Variants in CHRM3 observed in about 807,000 individuals in gnomAD.
CHRM3 encodes cholinergic receptor muscarinic 3, also known as muscarinic acetylcholine receptor M3.
A neutral mutation model predicts 41.8 loss-of-function variants in CHRM3; 11 were observed. That is an observed-to-expected ratio of 0.26 (90% CI 0.17 to 0.44). The LOEUF (loss-of-function observed/expected upper bound fraction) is 0.44. Ranked by LOEUF, CHRM3 falls within the 20% of genes least tolerant of loss-of-function variation. CHRM3 has a pLI of 1.00. For synonymous variants in CHRM3, 297 were observed against 301.4 expected, an observed-to-expected ratio of 0.99 and a Z score of 0.15; for missense variants, 571 against 745.4, an observed-to-expected ratio of 0.77 and a Z score of 2.72.
chr1:239,480,543 ATTTTTTT>A lies in CHRM3; in HGVS notation c.-520-12144_-520-12138del, dbSNP rs745979239. On this transcript the variant is annotated intron_variant, in intron 1 of 6. Transcript: ENST00000676153. The stretch of plus-strand genomic sequence containing the variant: ...ACTCAGGTAATCCTACGATAGCCCA[ATTTTTTT>A]TTTTTTTTTTTTTTTTTTTTTGTTG... 6.2e-3 allele frequency among the ~76,000 whole-genome samples: 686 copies of A among 110,684 alleles called. 1 individual carries two copies. The highest frequency in any genetic ancestry group is 0.026 in the African/African-American group (633 of 24,726). 72.6% of individuals were successfully genotyped at this position (110,684 alleles called of 152,430 possible).
In CHRM3 at chr1:239,820,031, G is replaced by A. The variant is rs191613158; in HGVS notation, c.-146-7221G>A. ...GTCACACCCTGTGTTTACCATGTCGGTGAGAGCTCCAGGGTAATTCACACA... is the reference window on the plus strand; with the variant it reads ...GTCACACCCTGTGTTTACCATGTCGATGAGAGCTCCAGGGTAATTCACACA... On this transcript the variant is annotated intron_variant, in intron 5 of 6. Coordinates refer to ENST00000676153, the MANE Select transcript of CHRM3 (RefSeq NM_001375978.1). Among the ~76,000 whole-genome samples the A allele has an allele frequency of 5.3e-5, 8 of 152,250 alleles. No individual in the cohort carries two copies. The East Asian group carries it at 1.4e-3, about 26-fold the overall frequency.
At chr1:239,874,295 A>ATATATATATATATCTATATACACAG (rs1553291887) in intron 6 of CHRM3, among the ~76,000 whole-genome samples, 57 of 73,142 alleles carry the variant, frequency 7.8e-4, no homozygotes, top group Middle Eastern at 6.6e-3. Flanking sequence ...GTATATATAT[A>ATATATATATATATCTATATACACAG]TATATATATA....
chr1:239,558,313 CT>C (rs1436020084), intron 3 of CHRM3, among the ~76,000 whole-genome samples: 1 of 152,118 alleles, frequency 6.6e-6, no homozygotes, highest in Non-Finnish European at 1.5e-5. Flanking sequence ...CCTTTGTCCA[CT>C]TTTTAATGGG....
At chr1:239,875,346 A>G (rs976251775) in intron 6 of CHRM3, among the ~76,000 whole-genome samples, 1 of 152,232 alleles carries the variant, frequency 6.6e-6, no homozygotes, top group East Asian at 1.9e-4. Context: ...TGTTGGGACT[A>G]TTCGACTCTG....
intron 5 of CHRM3, among the ~76,000 whole-genome samples, chr1:239,762,667 T>C (rs527751194): frequency 1.3e-5 from 2 of 152,304 alleles, no homozygotes; most frequent in East Asian, 3.9e-4. Context: ...GTTCATTAAA[T>C]TTGTAGATGA....
chr1:239,508,752 C>T (rs968457430), intron 2 of CHRM3, among the ~76,000 whole-genome samples: 9 of 152,090 alleles, frequency 5.9e-5, no homozygotes, highest in African/African-American at 2.2e-4. Context: ...ATCAAATTAG[C>T]TCTGTTCTAA....
chr1:239,587,030 A>G (rs1041491525), intron 3 of CHRM3, among the ~76,000 whole-genome samples: 1 of 152,170 alleles, frequency 6.6e-6, no homozygotes, highest in Admixed American at 6.5e-5. Context: ...ATTCCTTCCC[A>G]TGCTTGTAGA....
At chr1:239,804,794 G>A (rs1044261575) in intron 5 of CHRM3, among the ~76,000 whole-genome samples, 3 of 152,116 alleles carry the variant, frequency 2.0e-5, no homozygotes, top group Admixed American at 6.6e-5. Flanking sequence ...CTCGCCTCTC[G>A]CATTGACTGT....
chr1:239,809,684 A>G (rs1272782222), intron 5 of CHRM3, among the ~76,000 whole-genome samples: 2 of 151,844 alleles, frequency 1.3e-5, no homozygotes, highest in East Asian at 2.0e-4. Context: ...TTTTTTGTAC[A>G]GACAGGGTCT....
intron 5 of CHRM3, among the ~76,000 whole-genome samples, chr1:239,770,163 C>A (rs1667547214): frequency 6.6e-6 from 1 of 152,062 alleles, no homozygotes; most frequent in Non-Finnish European, 1.5e-5. Flanking sequence ...ATGGTATTTT[C>A]AGATTTATTA....
chr1:239,503,796 A>T (rs1205387431), intron 2 of CHRM3, among the ~76,000 whole-genome samples: 1 of 152,168 alleles, frequency 6.6e-6, no homozygotes, highest in Admixed American at 6.5e-5. Context: ...GACAAAGCAA[A>T]CAAAAACTTA....
intron 2 of CHRM3, among the ~76,000 whole-genome samples, chr1:239,498,962 C>T (rs1668051282): frequency 6.6e-6 from 1 of 152,074 alleles, no homozygotes; most frequent in South Asian, 2.1e-4. Flanking sequence ...TGTAGGTCCT[C>T]CTTTCCTAGT....
At chr1:239,435,472 A>G (rs965619031) in intron 1 of CHRM3, among the ~76,000 whole-genome samples, 13 of 151,894 alleles carry the variant, frequency 8.6e-5, no homozygotes, top group South Asian at 2.1e-4. Context: ...AAAAAAAAAA[A>G]AAGAAGAAAA....
chr1:239,664,427 C>T (rs926531066), intron 4 of CHRM3, among the ~76,000 whole-genome samples: 6 of 152,200 alleles, frequency 3.9e-5, no homozygotes, highest in African/African-American at 1.2e-4. Context: ...CTCTAAAATA[C>T]TTTCCAAAAC....
intron 3 of CHRM3, among the ~76,000 whole-genome samples, chr1:239,618,399 G>A (rs1029902923): frequency 2.7e-5 from 4 of 149,578 alleles, no homozygotes. Flanking sequence ...GCCCTGTCTA[G>A]TCCGGAGAGA....
chr1:239,497,230 A>G (rs530570995), intron 2 of CHRM3, among the ~76,000 whole-genome samples: 89 of 152,290 alleles, frequency 5.8e-4, no homozygotes, highest in African/African-American at 2.1e-3. Context: ...AGTGCTCTTC[A>G]GAGACTGTAA....
At chr1:239,884,205 G>C (rs1318158100) in intron 6 of CHRM3, among the ~76,000 whole-genome samples, 1 of 152,212 alleles carries the variant, frequency 6.6e-6, no homozygotes, top group Admixed American at 6.5e-5. Context: ...TAAGGAGCTT[G>C]AGAGGAAGAG....
At chr1:239,511,664 G>A (rs769938344) in intron 2 of CHRM3, among the ~76,000 whole-genome samples, 3 of 152,120 alleles carry the variant, frequency 2.0e-5, no homozygotes, top group Non-Finnish European at 2.9e-5. Flanking sequence ...GTTTGGGGAC[G>A]TTTTGCCAGA....
chr1:239,778,717 A>T (rs1668291214), intron 5 of CHRM3, among the ~76,000 whole-genome samples: 1 of 152,164 alleles, frequency 6.6e-6, no homozygotes, highest in South Asian at 2.1e-4. Context: ...GATAGCAGCT[A>T]GGGGATTTGG....
Sources: allele counts gnomAD v4.1 joint callset (sites outside exome capture counted in the v4.1 genomes callset), GRCh38; gene constraint gnomAD v4.1.1; transcripts MANE v1.5; gene names NCBI Gene and HGNC (gene_info 2026-07-23, HGNC 2026-07-21).